WWOX: variants seen among roughly 807,000 people sequenced by gnomAD.
WWOX encodes the protein WW domain containing oxidoreductase, also known as WW domain-containing oxidoreductase.
A neutral mutation model predicts 46.2 loss-of-function variants in WWOX; 69 were observed. The ratio of observed to expected loss-of-function variants is 1.49; its 90% CI spans 1.23 to 1.82. The LOEUF is 1.82. Ranked by LOEUF, WWOX falls within the 40% of genes most tolerant of loss-of-function variation. The pLI is 0.00. For synonymous variants in WWOX, 359 were observed against 202.6 expected (o/e 1.77, Z -6.56); for missense variants, 919 against 542.6 (o/e 1.69, Z -6.89).
intron 8 of WWOX, among the ~76,000 whole-genome samples, chr16:78,750,147 C>G (rs2049441808): frequency 6.6e-6 from 1 of 152,208 alleles, no homozygotes; most frequent in East Asian, 1.9e-4. Context: ...TAGTGAGCAA[C>G]ACCTCGGTGA....
intron 8 of WWOX, among the ~76,000 whole-genome samples, chr16:78,593,010 G>GAGGCTGGAAAGTACAGCCTTCC (rs1567666749): frequency 6.6e-6 from 1 of 152,150 alleles, no homozygotes; most frequent in Non-Finnish European, 1.5e-5. Context: ...AGCTGCCAGG[G>GAGGCTGGAAAGTACAGCCTTCC]AGGCTGGAAA....
At chr16:78,731,083 T>G (rs143998025) in intron 8 of WWOX, among the ~76,000 whole-genome samples, 21 of 152,334 alleles carry the variant, frequency 1.4e-4, no homozygotes, top group Non-Finnish European at 1.8e-4. Flanking sequence ...TTATTTGATG[T>G]CATGGGTGGG....
At chr16:78,380,978 T>C (rs1353865630) in intron 5 of WWOX, among the ~76,000 whole-genome samples, 2 of 151,962 alleles carry the variant, frequency 1.3e-5, no homozygotes, top group Non-Finnish European at 2.9e-5. Flanking sequence ...ACTCTAACCA[T>C]AGAAGGCAAT....
At chr16:78,468,173 G>A (rs1248309221) in intron 8 of WWOX, among the ~76,000 whole-genome samples, 1 of 151,836 alleles carries the variant, frequency 6.6e-6, no homozygotes, top group Non-Finnish European at 1.5e-5. Flanking sequence ...TTTTACTATT[G>A]TGTGGCTTTC....
intron 5 of WWOX, among the ~76,000 whole-genome samples, chr16:78,198,313 C>T (rs1191100637): frequency 6.7e-6 from 1 of 149,412 alleles, no homozygotes; most frequent in Admixed American, 6.7e-5. Flanking sequence ...ACCAACAAAA[C>T]TAAAAACGAC....
chr16:78,769,294 GTCCA>G (rs940437314), intron 8 of WWOX, among the ~76,000 whole-genome samples: 2 of 152,170 alleles, frequency 1.3e-5, no homozygotes, highest in African/African-American at 2.4e-5. Flanking sequence ...CCATCCGTCT[GTCCA>G]TCCATCCATC....
chr16:78,806,320 G>T (rs1037783478), intron 8 of WWOX, among the ~76,000 whole-genome samples: 1 of 152,152 alleles, frequency 6.6e-6, no homozygotes, highest in Admixed American at 6.5e-5. Flanking sequence ...TTTCATTAAA[G>T]TTTGACTATA....
chr16:79,167,055 G>C (rs187312897), intron 8 of WWOX, among the ~76,000 whole-genome samples: 7 of 151,896 alleles, frequency 4.6e-5, no homozygotes, highest in African/African-American at 9.7e-5. Flanking sequence ...ATTCTCATGC[G>C]TCAGCCTCCT....
intron 6 of WWOX, among the ~76,000 whole-genome samples, chr16:78,401,224 A>T (rs575582713): frequency 6.6e-6 from 1 of 151,162 alleles, no homozygotes; most frequent in Non-Finnish European, 1.5e-5. Context: ...TATTTTTTCT[A>T]ATACCACTTT....
At chr16:78,528,148 G>A (rs1395605866) in intron 8 of WWOX, among the ~76,000 whole-genome samples, 1 of 136,568 alleles carries the variant, frequency 7.3e-6, no homozygotes, top group African/African-American at 2.8e-5. Flanking sequence ...ACAGGTGCCC[G>A]CCACCACACC....
intron 8 of WWOX, among the ~76,000 whole-genome samples, chr16:78,713,909 G>A (rs555304130): frequency 6.6e-6 from 1 of 152,272 alleles, no homozygotes; most frequent in Admixed American, 6.5e-5. Flanking sequence ...AGAAACACCC[G>A]AGGACTGTCG....
At chr16:79,125,731 A>C (rs1374170705) in intron 8 of WWOX, among the ~76,000 whole-genome samples, 1 of 152,218 alleles carries the variant, frequency 6.6e-6, no homozygotes, top group Non-Finnish European at 1.5e-5. Context: ...GGAGGAACAT[A>C]GCTTTGGGGC....
chr16:78,661,464 C>T (rs1208536101), intron 8 of WWOX, among the ~76,000 whole-genome samples: 1 of 152,102 alleles, frequency 6.6e-6, no homozygotes, highest in East Asian at 1.9e-4. Context: ...CTGCTTAATA[C>T]AAAGTGGGAT....
intron 8 of WWOX, among the ~76,000 whole-genome samples, chr16:78,834,529 C>T (rs546067706): frequency 6.6e-6 from 1 of 152,084 alleles, no homozygotes; most frequent in Non-Finnish European, 1.5e-5. Flanking sequence ...GGTCTGTAAA[C>T]AAGGTCTGAA....
chr16:78,131,342 G>A (rs2033585526), intron 4 of WWOX, among the ~76,000 whole-genome samples: 1 of 152,162 alleles, frequency 6.6e-6, no homozygotes, highest in African/African-American at 2.4e-5. Context: ...CTCCTGAGTA[G>A]CTTGGACTAC....
At chr16:79,090,682 G>A (rs867911435) in intron 8 of WWOX, among the ~76,000 whole-genome samples, 3 of 152,150 alleles carry the variant, frequency 2.0e-5, no homozygotes, top group Admixed American at 6.5e-5. Flanking sequence ...AGGAGGGGAC[G>A]GCAAGTATCA....
At chr16:79,131,911 G>A (rs2049886011) in intron 8 of WWOX, among the ~76,000 whole-genome samples, 1 of 152,116 alleles carries the variant, frequency 6.6e-6, no homozygotes, top group Admixed American at 6.5e-5. Context: ...CAAAGAGAGT[G>A]AGCTTGTTCA....
intron 8 of WWOX, among the ~76,000 whole-genome samples, chr16:78,865,004 C>A (rs138599692): frequency 0.016 from 2,457 of 152,044 alleles, 77 homozygotes; most frequent in African/African-American, 0.057. Context: ...CTCAAGTGAT[C>A]CACCCATCTT....
chr16:78,414,153 G>A (rs773082824), intron 6 of WWOX, among the ~76,000 whole-genome samples: 1 of 151,104 alleles, frequency 6.6e-6, no homozygotes, highest in Non-Finnish European at 1.5e-5. Flanking sequence ...CTGCCTGCAA[G>A]ACAAAACCCC....
Sources: gnomAD v4.1 joint callset for allele counts (sites outside exome capture counted in the v4.1 genomes callset) on GRCh38, gnomAD v4.1.1 for gene constraint, MANE v1.5 for transcripts, NCBI Gene and HGNC (gene_info 2026-07-23, HGNC 2026-07-21) for gene names.